KIAA1671: variants seen among roughly 807,000 people sequenced by gnomAD.
KIAA1671 encodes the protein KIAA1671.
Under a neutral mutation model 131.2 loss-of-function variants are expected in KIAA1671, and 52 were observed. That is an observed-to-expected ratio of 0.40 (90% confidence interval 0.32 to 0.50). KIAA1671 has a LOEUF of 0.50. KIAA1671 is among the 20% of genes least tolerant of loss of function. KIAA1671 has a pLI of 0.73. For synonymous variants in KIAA1671, 1,003 were observed against 961.6 expected (o/e 1.04, Z -0.80); for missense variants, 2,360 against 2,364.2 (o/e 1.00, Z 0.04).
At chr22:25,063,479 T>C (rs1274810736) in intron 6 of KIAA1671, 1 of 152,100 alleles carries the variant, frequency 6.6e-6, no homozygotes, top group Non-Finnish European at 1.5e-5. Context: ...AAATATTATA[T>C]GTTCTCACTT....
chr22:25,145,813 A>T (rs2145968230), intron 6 of KIAA1671, among the ~76,000 whole-genome samples: 1 of 152,262 alleles, frequency 6.6e-6, no homozygotes, highest in East Asian at 1.9e-4. Flanking sequence ...GGTGGCAGGC[A>T]CCTGCAGTCT....
intron 6 of KIAA1671, among the ~76,000 whole-genome samples, chr22:25,076,608 T>TC (rs1929122077): frequency 6.6e-6 from 1 of 152,256 alleles, no homozygotes; most frequent in Non-Finnish European, 1.5e-5. Flanking sequence ...AGCTGAGGGC[T>TC]ACAGCCTCTG....
In KIAA1671 at chr22:25,040,620, C is replaced by T. The variant is rs983955450; in HGVS notation, c.3490C>T (p.Pro1164Ser). ...CAGCGGCGGAGCTCCCCAAACCACC[C>T]CGACTCTGAGGAGTCGTCCAAAAGA... ...SPSGGAPQTT[P>S]TLRSRPKDLP... The change falls in exon 5 of 13, where the codon CCG becomes TCG. Residue 1164 changes from proline (P) to serine (S), a missense_variant. Around this residue, in one of 3 missense-constraint regions of KIAA1671, gnomAD observed 1,161 missense variants for 1,204.7 expected, o/e 0.96. Transcript: ENST00000358431. The T allele has an allele frequency of 2.0e-4, 311 of 1,551,804 alleles. No individual in the cohort carries two copies. Among genetic ancestry groups the T allele is most frequent in the Admixed American group, 3.3e-4 (17 of 51,008 alleles).
At chr22:24,971,085 G>C (rs1555948559) in intron 1 of KIAA1671, among the ~76,000 whole-genome samples, 1 of 152,150 alleles carries the variant, frequency 6.6e-6, no homozygotes, top group African/African-American at 2.4e-5. Context: ...AGCCTCCCGA[G>C]TAATGGGATT....
intron 1 of KIAA1671, among the ~76,000 whole-genome samples, chr22:24,998,139 A>G (rs1029106256): frequency 2.6e-5 from 4 of 152,152 alleles, no homozygotes; most frequent in African/African-American, 9.7e-5. Flanking sequence ...GGCAATATAC[A>G]CTTGTAATCT....
intron 1 of KIAA1671, among the ~76,000 whole-genome samples, chr22:24,983,740 G>A (rs1473446728): frequency 2.2e-5 from 3 of 138,564 alleles, no homozygotes; most frequent in Non-Finnish European, 4.6e-5. Context: ...GGGTCTGGGG[G>A]CCTGGGGTAT....
At chr22:25,062,451 C>A (rs1302553456) in intron 6 of KIAA1671, 1 of 152,298 alleles carries the variant, frequency 6.6e-6, no homozygotes, top group Non-Finnish European at 1.5e-5. Context: ...AGGCACTCCC[C>A]CCAGCCCCCA....
In KIAA1671 at chr22:25,028,294, G is replaced by C; in HGVS notation, c.295G>C (p.Glu99Gln). ...TGPSPSGGLS[E>Q]EPAAKDLDNR... ...ACCTTCCCCCTCTGGGGGGCTCTCTGAGGAGCCAGCAGCAAAGGATCTGGA... is the reference window on the plus strand; with the variant it reads ...ACCTTCCCCCTCTGGGGGGCTCTCTCAGGAGCCAGCAGCAAAGGATCTGGA... The change falls in exon 3 of 13, where the codon GAG (glutamate) becomes CAG (glutamine). Residue 99 changes from glutamate to glutamine, a missense_variant. Physicochemically the swap from Glu to Gln is conservative, Grantham distance 29. Coordinates refer to ENST00000358431, the MANE Select transcript of KIAA1671 (RefSeq NM_001145206.2). 1 of 1,551,264 alleles carries C rather than the reference G, an allele frequency of 6.4e-7. No individual in the cohort carries two copies. The highest frequency in any genetic ancestry group is 1.4e-5 in the African/African-American group (1 of 73,192).
chr22:25,085,522 C>T (rs976287748), intron 6 of KIAA1671, among the ~76,000 whole-genome samples: 3 of 109,672 alleles, frequency 2.7e-5, no homozygotes, highest in African/African-American at 8.3e-5. Context: ...CCCCCCATAA[C>T]CCCCTGTCCG....
At chr22:24,990,642 C>T (rs781664014) in intron 1 of KIAA1671, among the ~76,000 whole-genome samples, 5 of 152,248 alleles carry the variant, frequency 3.3e-5, no homozygotes, top group Non-Finnish European at 5.9e-5. Context: ...ACCTCTGGAG[C>T]GTCACCATGT....
intron 6 of KIAA1671, among the ~76,000 whole-genome samples, chr22:25,077,027 C>T (rs997082149): frequency 6.6e-6 from 1 of 152,182 alleles, no homozygotes; most frequent in Non-Finnish European, 1.5e-5. Flanking sequence ...TTTACTACTT[C>T]GTGGAGTCTG....
At chr22:25,012,077 T>C (rs1925070703) in intron 1 of KIAA1671, 1 of 152,208 alleles carries the variant, frequency 6.6e-6, no homozygotes, top group African/African-American at 2.4e-5. Flanking sequence ...AAAGCAAGTC[T>C]CTGGCTTACT....
chr22:25,185,150 T>C, intron 11 of KIAA1671, 31 bp downstream of exon 11: 1 of 1,522,398 alleles, frequency 6.6e-7, no homozygotes, highest in Non-Finnish European at 8.8e-7. Context: ...GGGGTCCCTC[T>C]CCTTCCAAAC....
chr22:25,125,425 G>A (rs954642378), intron 6 of KIAA1671, among the ~76,000 whole-genome samples: 17 of 152,160 alleles, frequency 1.1e-4, no homozygotes, highest in African/African-American at 3.9e-4. Flanking sequence ...GAGTCACCTA[G>A]TTCATAGTCG....
intron 6 of KIAA1671, among the ~76,000 whole-genome samples, chr22:25,141,756 A>G (rs909969704): frequency 3.3e-5 from 5 of 152,186 alleles, no homozygotes; most frequent in South Asian, 4.1e-4. Context: ...GAGGTGATGC[A>G]TCACGGGATT....
intron 6 of KIAA1671, among the ~76,000 whole-genome samples, chr22:25,080,201 G>A (rs918173571): frequency 7.9e-5 from 12 of 152,124 alleles, no homozygotes; most frequent in African/African-American, 2.7e-4. Flanking sequence ...GTTAGATACC[G>A]GTGTCAGCAT....
chr22:25,153,884 G>A (rs998753180), intron 6 of KIAA1671, among the ~76,000 whole-genome samples: 4 of 152,196 alleles, frequency 2.6e-5, no homozygotes, highest in Non-Finnish European at 5.9e-5. Flanking sequence ...TTGGAGCCCG[G>A]GTCTGCCTCA....
chr22:25,119,431 A>T (rs910450727), intron 6 of KIAA1671, among the ~76,000 whole-genome samples: 17 of 152,228 alleles, frequency 1.1e-4, no homozygotes, highest in Non-Finnish European at 2.5e-4. Flanking sequence ...TAATGGTAAT[A>T]AAAACCACTC....
Position 25,151,368 on chromosome 22 carries a change from A to T in KIAA1671, c.4531-19452A>T, listed in dbSNP as rs557167939. ...TATGTATACATATATTTTTGTTTAT[A>T]TACACATATGTATATATAGACAGAT... On this transcript the variant is annotated intron_variant, in intron 6 of 12. Coordinates refer to ENST00000358431, the MANE Select transcript of KIAA1671 (RefSeq NM_001145206.2). Among the ~76,000 whole-genome samples the T allele has an allele frequency of 9.5e-4, 142 of 149,164 alleles. 1 individual carries two copies. The highest frequency in any genetic ancestry group is 3.4e-3 in the African/African-American group (140 of 40,964).
Sources: allele counts gnomAD v4.1 joint callset (sites outside exome capture counted in the v4.1 genomes callset), GRCh38; gene constraint gnomAD v4.1.1; regional missense constraint gnomAD v4.1.1; transcripts MANE v1.5; gene names NCBI Gene and HGNC (gene_info 2026-07-23, HGNC 2026-07-21).